SNTG1: variants seen among roughly 807,000 people sequenced by gnomAD.
SNTG1 encodes gamma-1-syntrophin.
Under a neutral mutation model 74.7 loss-of-function variants are expected in SNTG1, and 39 were observed. The ratio of observed to expected loss-of-function variants is 0.52; its 90% CI spans 0.40 to 0.68. The LOEUF is 0.68. Among genes scored for constraint, SNTG1 ranks in the 30% least tolerant of loss-of-function variants. The pLI, the probability that SNTG1 is intolerant of heterozygous loss-of-function variation, is 0.00. For missense variants in SNTG1, 685 were observed against 609.5 expected (o/e 1.12, Z -1.30); for synonymous variants, 254 against 217.1 (o/e 1.17, Z -1.49).
At chr8:50,608,547 A>G (rs1373574651) in intron 13 of SNTG1, among the ~76,000 whole-genome samples, 1 of 151,710 alleles carries the variant, frequency 6.6e-6, no homozygotes, top group Non-Finnish European at 1.5e-5. Context: ...TTTTCTTGGC[A>G]TATTATTTTC....
chr8:50,067,957 C>T (rs575108675), intron 1 of SNTG1, among the ~76,000 whole-genome samples: 1 of 152,272 alleles, frequency 6.6e-6, no homozygotes, highest in East Asian at 1.9e-4. Flanking sequence ...AAAGATTCCT[C>T]TACGTGTATT....
intron 2 of SNTG1, among the ~76,000 whole-genome samples, chr8:50,274,048 T>A (rs923932973): frequency 7.2e-5 from 11 of 152,256 alleles, no homozygotes; most frequent in African/African-American, 2.4e-4. Flanking sequence ...TGCTGGTATA[T>A]AAGAGCACAA....
At chr8:50,028,631 C>G (rs1403053532) in intron 1 of SNTG1, among the ~76,000 whole-genome samples, 1 of 151,794 alleles carries the variant, frequency 6.6e-6, no homozygotes, top group African/African-American at 2.4e-5. Context: ...GGGAGATATA[C>G]CTAATGCTAG....
intron 2 of SNTG1, among the ~76,000 whole-genome samples, chr8:50,223,520 A>G (rs1354349873): frequency 6.6e-6 from 1 of 152,164 alleles, no homozygotes; most frequent in East Asian, 1.9e-4. Context: ...TGAGTTTATT[A>G]TGCAAAAGGA....
chr8:50,421,046 C>CGG (rs1172604268), intron 4 of SNTG1, among the ~76,000 whole-genome samples: 5 of 2,644 alleles, frequency 1.9e-3, no homozygotes, highest in Admixed American at 5.2e-3. Flanking sequence ...AGGCGGTGGG[C>CGG]GGGGGAGGGG....
chr8:50,778,545 G>C (rs1163726947), intron 18 of SNTG1, among the ~76,000 whole-genome samples: 1 of 151,926 alleles, frequency 6.6e-6, no homozygotes, highest in East Asian at 1.9e-4. Flanking sequence ...CTTTTTGATG[G>C]GGTTGTTTGT....
intron 2 of SNTG1, among the ~76,000 whole-genome samples, chr8:50,199,583 G>A (rs2083909063): frequency 6.6e-6 from 1 of 152,110 alleles, no homozygotes; most frequent in South Asian, 2.1e-4. Context: ...CCAAAATTGT[G>A]TTGAAGCAAT....
At chr8:50,439,182 A>G (rs910780782) in intron 5 of SNTG1, among the ~76,000 whole-genome samples, 2 of 152,110 alleles carry the variant, frequency 1.3e-5, no homozygotes, top group Non-Finnish European at 2.9e-5. Context: ...TTAGAGATGT[A>G]CCATATCTGC....
At chr8:50,487,388 C>T (rs1420985637) in intron 8 of SNTG1, among the ~76,000 whole-genome samples, 2 of 152,138 alleles carry the variant, frequency 1.3e-5, no homozygotes, top group African/African-American at 2.4e-5. Flanking sequence ...CACATGCACA[C>T]GTTTATTTAT....
chr8:49,910,085 C>A (rs1805506608), upstream of SNTG1, among the ~76,000 whole-genome samples: 1 of 152,212 alleles, frequency 6.6e-6, no homozygotes, highest in Non-Finnish European at 1.5e-5. Flanking sequence ...GATCCCCTAC[C>A]TGGAATGGAT....
intron 1 of SNTG1, among the ~76,000 whole-genome samples, chr8:50,161,037 A>C (rs1391066005): frequency 6.6e-6 from 1 of 152,208 alleles, no homozygotes; most frequent in Non-Finnish European, 1.5e-5. Context: ...AAAATAGAGA[A>C]GATGATATTT....
At chr8:50,664,522 C>A (rs10110050) in intron 15 of SNTG1, among the ~76,000 whole-genome samples, 91,496 of 151,928 alleles carry the variant, frequency 0.6, 29,422 homozygotes, top group Non-Finnish European at 0.7. Context: ...GCTGTGTATT[C>A]TTTGATCACC....
At chr8:50,556,318 G>A (rs1161216009) in intron 12 of SNTG1, among the ~76,000 whole-genome samples, 1 of 152,094 alleles carries the variant, frequency 6.6e-6, no homozygotes, top group Non-Finnish European at 1.5e-5. Flanking sequence ...GCATGGCAGA[G>A]GCTATGCTGT....
chr8:50,583,687 A>T (rs2094627122), intron 12 of SNTG1, among the ~76,000 whole-genome samples: 1 of 151,626 alleles, frequency 6.6e-6, no homozygotes, highest in African/African-American at 2.4e-5. Flanking sequence ...ATCCCCTGGA[A>T]CTGTAAGTAA....
At chr8:50,345,592 A>G (rs549706533) in intron 2 of SNTG1, among the ~76,000 whole-genome samples, 1 of 152,344 alleles carries the variant, frequency 6.6e-6, no homozygotes, top group East Asian at 1.9e-4. Context: ...TATTATGCAT[A>G]TGTTAAATCA....
chr8:50,370,051 G>A (rs190380838), intron 2 of SNTG1, among the ~76,000 whole-genome samples: 1 of 152,242 alleles, frequency 6.6e-6, no homozygotes, highest in East Asian at 1.9e-4. Flanking sequence ...TAAGAAGCAA[G>A]GATCTGAGTA....
chr8:50,335,559 C>T (rs2091111970), intron 2 of SNTG1, among the ~76,000 whole-genome samples: 1 of 152,100 alleles, frequency 6.6e-6, no homozygotes, highest in Non-Finnish European at 1.5e-5. Context: ...TTCATGGCCC[C>T]TATATCTCAA....
At chr8:50,112,210 A>G (rs2080621307) in intron 1 of SNTG1, among the ~76,000 whole-genome samples, 1 of 152,148 alleles carries the variant, frequency 6.6e-6, no homozygotes, top group Non-Finnish European at 1.5e-5. Flanking sequence ...AAGAACATAG[A>G]TGTAATCACC....
chr8:50,356,033 C>CT (rs917866489), intron 2 of SNTG1, among the ~76,000 whole-genome samples: 5 of 152,008 alleles, frequency 3.3e-5, no homozygotes, highest in East Asian at 3.9e-4. Flanking sequence ...CCTGTACTTC[C>CT]TTTTTTTGTT....
Sources: gnomAD v4.1 joint callset for allele counts (sites outside exome capture counted in the v4.1 genomes callset) on GRCh38, gnomAD v4.1.1 for gene constraint, MANE v1.5 for transcripts, NCBI Gene and HGNC (gene_info 2026-07-23, HGNC 2026-07-21) for gene names.